The following RAD51B variants were observed in gnomAD, a reference collection of about 807,000 sequenced individuals.
RAD51B encodes DNA repair protein RAD51 homolog 2.
In RAD51B, 38 loss-of-function variants were observed where a neutral mutation model predicts 42.2. The ratio of observed to expected loss-of-function variants is 0.90; its 90% confidence interval spans 0.70 to 1.18. RAD51B has a LOEUF of 1.18. RAD51B is among the 50% of genes most tolerant of loss of function. The pLI is 0.00. For missense variants in RAD51B, 373 were observed against 400.7 expected, an observed-to-expected ratio of 0.93 and a Z score of 0.59; for synonymous variants, 154 against 145.2, an observed-to-expected ratio of 1.06 and a Z score of -0.43.
intron 7 of RAD51B, among the ~76,000 whole-genome samples, chr14:68,245,150 AGAG>A (rs1380610736): frequency 6.6e-6 from 1 of 152,174 alleles, no homozygotes; most frequent in Non-Finnish European, 1.5e-5. Flanking sequence ...ATTGTGATCT[AGAG>A]GAGGCCCAGC....
At chr14:68,347,730 C>T (rs2082703235) in intron 8 of RAD51B, among the ~76,000 whole-genome samples, 1 of 152,158 alleles carries the variant, frequency 6.6e-6, no homozygotes, top group Non-Finnish European at 1.5e-5. Context: ...GTTTCAGCTA[C>T]TAATACTAGC....
At chr14:68,618,981 A>T (rs775472213) in intron 10 of RAD51B, among the ~76,000 whole-genome samples, 6 of 152,230 alleles carry the variant, frequency 3.9e-5, no homozygotes, top group Non-Finnish European at 8.8e-5. Flanking sequence ...AGGAGGCCAG[A>T]TAAAGACCAC....
chr14:68,411,205 G>A (rs527511816), intron 8 of RAD51B, among the ~76,000 whole-genome samples: 62 of 152,236 alleles, frequency 4.1e-4, no homozygotes, highest in African/African-American at 1.3e-3. Flanking sequence ...TTGGCCCAGT[G>A]GTGGTCACTT....
intron 7 of RAD51B, among the ~76,000 whole-genome samples, chr14:67,995,426 ACACT>A (rs558048085): frequency 2.9e-3 from 443 of 151,942 alleles, no homozygotes; most frequent in Non-Finnish European, 5.5e-3. Flanking sequence ...CAAAAAGAAC[ACACT>A]CACAATAGGA....
intron 7 of RAD51B, among the ~76,000 whole-genome samples, chr14:68,248,391 A>T (rs529775723): frequency 2.6e-5 from 4 of 152,218 alleles, no homozygotes; most frequent in Non-Finnish European, 5.9e-5. Context: ...CCTTCCATTC[A>T]ATTCAAATGA....
intron 7 of RAD51B, among the ~76,000 whole-genome samples, chr14:68,198,778 T>G (rs2079425910): frequency 6.6e-6 from 1 of 152,204 alleles, no homozygotes; most frequent in African/African-American, 2.4e-5. Flanking sequence ...AAGACTTTAA[T>G]AAGACATTGA....
intron 7 of RAD51B, among the ~76,000 whole-genome samples, chr14:68,157,882 G>T (rs1245087585): frequency 6.6e-6 from 1 of 152,098 alleles, no homozygotes; most frequent in Non-Finnish European, 1.5e-5. Flanking sequence ...AGAAATCATT[G>T]GAGAAGAATC....
chr14:67,933,626 C>G (rs1173907782), intron 7 of RAD51B, among the ~76,000 whole-genome samples: 1 of 152,132 alleles, frequency 6.6e-6, no homozygotes. Context: ...TAATGAGTCC[C>G]TTGGGGCTCA....
At chr14:68,034,358 A>G (rs956396983) in intron 7 of RAD51B, among the ~76,000 whole-genome samples, 1 of 151,420 alleles carries the variant, frequency 6.6e-6, no homozygotes, top group African/African-American at 2.4e-5. Context: ...TGCAGCCTCT[A>G]CCTCCTGGGC....
At chr14:68,427,790 T>G (rs1253179053) in intron 9 of RAD51B, among the ~76,000 whole-genome samples, 1 of 152,198 alleles carries the variant, frequency 6.6e-6, no homozygotes, top group African/African-American at 2.4e-5. Context: ...TGGAATAATG[T>G]ATTTATATGT....
At chr14:68,591,971 C>A (rs181348147) in intron 10 of RAD51B, among the ~76,000 whole-genome samples, 1 of 152,204 alleles carries the variant, frequency 6.6e-6, no homozygotes, top group East Asian at 1.9e-4. Context: ...TGGAGCTGGG[C>A]ACACACTCAG....
intron 8 of RAD51B, among the ~76,000 whole-genome samples, chr14:68,345,934 G>A (rs145127343): frequency 1.2e-3 from 189 of 152,302 alleles, no homozygotes; most frequent in South Asian, 4.6e-3. Flanking sequence ...TGCATGAGGC[G>A]TGAGCCACTG....
chr14:68,091,144 T>C (rs893898123), intron 7 of RAD51B, among the ~76,000 whole-genome samples: 2 of 152,184 alleles, frequency 1.3e-5, no homozygotes, highest in African/African-American at 4.8e-5. Context: ...CTATTGTGAA[T>C]AGTGCCGCAA....
chr14:68,014,857 A>G (rs2075749028), intron 7 of RAD51B, among the ~76,000 whole-genome samples: 1 of 151,738 alleles, frequency 6.6e-6, no homozygotes, highest in Non-Finnish European at 1.5e-5. Flanking sequence ...TGCAAAAAAA[A>G]AAAAAAAAGG....
At chr14:68,560,191 G>A (rs1042297619) in intron 10 of RAD51B, among the ~76,000 whole-genome samples, 19 of 152,286 alleles carry the variant, frequency 1.2e-4, no homozygotes, top group African/African-American at 4.3e-4. Flanking sequence ...GCTGAGAAAC[G>A]ATTTTTCACG....
At chr14:68,035,708 G>T (rs1693364327) in intron 7 of RAD51B, among the ~76,000 whole-genome samples, 1 of 152,182 alleles carries the variant, frequency 6.6e-6, no homozygotes. Flanking sequence ...TTATATTGAT[G>T]ATTTCTCATG....
intron 7 of RAD51B, among the ~76,000 whole-genome samples, chr14:68,157,161 C>T (rs1008599486): frequency 9.9e-5 from 15 of 152,166 alleles, no homozygotes; most frequent in Admixed American, 7.9e-4. Context: ...TACACCACTG[C>T]ACTCCAGCCT....
At chr14:68,551,910 A>G (rs1888594513) in intron 10 of RAD51B, among the ~76,000 whole-genome samples, 3 of 152,198 alleles carry the variant, frequency 2.0e-5, no homozygotes, top group Admixed American at 2.0e-4. Flanking sequence ...CCCCTCTAGG[A>G]CTTGCATTTG....
At chr14:67,950,999 G>T (rs1187731572) in intron 7 of RAD51B, among the ~76,000 whole-genome samples, 1 of 152,156 alleles carries the variant, frequency 6.6e-6, no homozygotes, top group Non-Finnish European at 1.5e-5. Flanking sequence ...AGTGTGGTTG[G>T]TGGTACCTTA....
Sources: gnomAD v4.1 joint callset for allele counts (sites outside exome capture counted in the v4.1 genomes callset) on GRCh38, gnomAD v4.1.1 for gene constraint, MANE v1.5 for transcripts, NCBI Gene and HGNC (gene_info 2026-07-23, HGNC 2026-07-21) for gene names.